The following CHN1 variants were observed in gnomAD, a reference collection of about 807,000 sequenced individuals.
CHN1 encodes chimerin 1, also known as N-chimaerin.
Under a neutral mutation model 59.5 loss-of-function variants are expected in CHN1, and 37 were observed. The observed-to-expected ratio is 0.62, with a 90% CI of 0.48 to 0.82. The LOEUF (loss-of-function observed/expected upper bound fraction) is 0.82, where lower values mean the gene tolerates loss of function less well. CHN1 is among the 40% of genes least tolerant of loss of function. CHN1 has a pLI of 0.00. For synonymous variants in CHN1, 206 were observed against 200.4 expected (o/e 1.03, Z -0.24); for missense variants, 469 against 571.0 (o/e 0.82, Z 1.82).
chr2:174,913,683 A>C (rs1368973793), intron 5 of CHN1, among the ~76,000 whole-genome samples: 1 of 152,220 alleles, frequency 6.6e-6, no homozygotes, highest in African/African-American at 2.4e-5. Flanking sequence ...TTATTTCAGC[A>C]TTCAGTATGA....
At chr2:174,913,048 T>C (rs901901293) in intron 5 of CHN1, among the ~76,000 whole-genome samples, 4 of 152,144 alleles carry the variant, frequency 2.6e-5, no homozygotes, top group African/African-American at 9.7e-5. Flanking sequence ...GAAAGAGATA[T>C]GAAGGTCTGG....
chr2:174,807,446 CTGTGTGTGTGTGTGTGTGTG>C (rs71031071), intron 11 of CHN1, among the ~76,000 whole-genome samples: 1,675 of 83,852 alleles, frequency 0.02, 31 homozygotes, highest in African/African-American at 0.052. Context: ...CACGGGCTAT[CTGTGTGTGTGTGTGTGTGTG>C]TGTGTGTGTG....
chr2:174,914,932 A>G (rs1688804155), intron 5 of CHN1, 126 bp downstream of exon 5: 1 of 531,518 alleles, frequency 1.9e-6, no homozygotes, highest in Admixed American at 3.3e-5. Context: ...AGCTATTAAA[A>G]TGGTAATTAG....
intron 1 of CHN1, among the ~76,000 whole-genome samples, chr2:174,987,841 T>A (rs568962012): frequency 1.3e-5 from 2 of 152,312 alleles, no homozygotes; most frequent in African/African-American, 4.8e-5. Flanking sequence ...CATATTTAGA[T>A]GATGGCAATT....
intron 1 of CHN1, 90 bp downstream of exon 1, chr2:175,004,804 C>A (rs1692007212): frequency 3.9e-6 from 3 of 771,454 alleles, no homozygotes; most frequent in Admixed American, 1.1e-4. Flanking sequence ...GCCGCGCCCC[C>A]TCCCCGGGCG....
At chr2:174,937,392 C>T (rs1196792471) in intron 3 of CHN1, among the ~76,000 whole-genome samples, 1 of 152,162 alleles carries the variant, frequency 6.6e-6, no homozygotes, top group East Asian at 1.9e-4. Flanking sequence ...ACAAATAGGG[C>T]CAGTGCTCCC....
intron 1 of CHN1, among the ~76,000 whole-genome samples, chr2:174,971,197 A>G (rs898481840): frequency 3.3e-5 from 5 of 152,146 alleles, no homozygotes; most frequent in Non-Finnish European, 5.9e-5. Context: ...GGGTGCCTGT[A>G]GTCCCAGCTA....
chr2:174,959,065 C>A (rs35651289), intron 1 of CHN1, among the ~76,000 whole-genome samples: 7,843 of 152,084 alleles, frequency 0.052, 305 homozygotes, highest in African/African-American at 0.1. Context: ...TTTAATATTT[C>A]TTTTAATATT....
intron 5 of CHN1, among the ~76,000 whole-genome samples, chr2:174,879,352 A>C (rs757173274): frequency 6.6e-6 from 1 of 152,218 alleles, no homozygotes; most frequent in Non-Finnish European, 1.5e-5. Context: ...TGTAGTTCAA[A>C]TTAGACTTTA....
In CHN1 at chr2:174,926,392, T is replaced by A. The variant is rs1224039987; in HGVS notation, c.115-7827A>T. On this transcript the variant is annotated intron_variant, in intron 3 of 12. Coordinates refer to ENST00000409900, the MANE Select transcript of CHN1 (RefSeq NM_001822.7). The stretch of plus-strand genomic sequence containing the variant: ...GATGATTTTTTAAATTTTGTAGAGA[T>A]GGGTGTGAAAGAAAAATAAATTATC... 3.3e-5 allele frequency among the ~76,000 whole-genome samples: 5 copies of A among 151,984 alleles called. No individual in the cohort carries two copies. In the East Asian group the frequency reaches 9.7e-4, roughly 29 times the overall value.
intron 5 of CHN1, among the ~76,000 whole-genome samples, chr2:174,889,641 T>C (rs1471872147): frequency 6.6e-6 from 1 of 151,940 alleles, no homozygotes; most frequent in Non-Finnish European, 1.5e-5. Context: ...TCAGCAAACT[T>C]AAAGACAGGT....
At chr2:174,945,510 C>T (rs916835934) in intron 2 of CHN1, among the ~76,000 whole-genome samples, 1 of 151,988 alleles carries the variant, frequency 6.6e-6, no homozygotes, top group Non-Finnish European at 1.5e-5. Flanking sequence ...AAATAACTTG[C>T]CAAAAGAGGG....
chr2:174,873,519 A>C (rs1687472902), intron 6 of CHN1, among the ~76,000 whole-genome samples: 1 of 152,220 alleles, frequency 6.6e-6, no homozygotes, highest in Admixed American at 6.5e-5. Flanking sequence ...CTATATTTGA[A>C]GCAAAGTAAA....
intron 5 of CHN1, among the ~76,000 whole-genome samples, chr2:174,889,005 G>A (rs1297963520): frequency 2.0e-5 from 3 of 152,144 alleles, no homozygotes; most frequent in African/African-American, 4.8e-5. Flanking sequence ...AGGGACTAAC[G>A]TCTCACTTGA....
At chr2:174,809,800 A>G (rs983677462) in intron 10 of CHN1, among the ~76,000 whole-genome samples, 1 of 152,208 alleles carries the variant, frequency 6.6e-6, no homozygotes, top group Non-Finnish European at 1.5e-5. Context: ...TCTTGCCTCC[A>G]GCAGACTAGG....
intron 5 of CHN1, among the ~76,000 whole-genome samples, chr2:174,910,899 C>CAAAAAA (rs10568066): frequency 1.3e-3 from 98 of 76,420 alleles, no homozygotes; most frequent in Non-Finnish European, 1.5e-3. Flanking sequence ...GACTCCGTCT[C>CAAAAAA]AAAAAAAAAA....
intron 6 of CHN1, among the ~76,000 whole-genome samples, chr2:174,866,977 A>G (rs1687236480): frequency 6.6e-6 from 1 of 152,084 alleles, no homozygotes; most frequent in Non-Finnish European, 1.5e-5. Flanking sequence ...ATATTCTGGA[A>G]ACAAATGAAA....
At chr2:174,909,890 G>A (rs1320036915) in intron 5 of CHN1, among the ~76,000 whole-genome samples, 1 of 152,116 alleles carries the variant, frequency 6.6e-6, no homozygotes, top group Non-Finnish European at 1.5e-5. Flanking sequence ...TCCCTTTTGC[G>A]ATATACTGGG....
intron 7 of CHN1, among the ~76,000 whole-genome samples, chr2:174,827,855 A>G (rs1685742727): frequency 6.6e-6 from 1 of 152,202 alleles, no homozygotes; most frequent in African/African-American, 2.4e-5. Flanking sequence ...GAAGAATGAC[A>G]TTAACAGAGG....
Sources: gnomAD v4.1 joint callset for allele counts (sites outside exome capture counted in the v4.1 genomes callset) on GRCh38, gnomAD v4.1.1 for gene constraint, MANE v1.5 for transcripts, NCBI Gene and HGNC (gene_info 2026-07-23, HGNC 2026-07-21) for gene names.